RAB37: variants seen among roughly 807,000 people sequenced by gnomAD.
RAB37 encodes RAB37, member RAS oncogene family.
A neutral mutation model predicts 33.1 loss-of-function variants in RAB37; 29 were observed. The ratio of observed to expected loss-of-function variants is 0.88; its 90% CI spans 0.65 to 1.20. The LOEUF is 1.20. Ranked by LOEUF, RAB37 falls within the 50% of genes most tolerant of loss-of-function variation. RAB37 has a pLI of 0.00. For missense variants in RAB37, 299 were observed against 301.1 expected, an observed-to-expected ratio of 0.99 and a Z score of 0.05; for synonymous variants, 128 against 119.5, an observed-to-expected ratio of 1.07 and a Z score of -0.47.
At chr17:74,675,665 A>G (rs1055308142) in intron 1 of RAB37, among the ~76,000 whole-genome samples, 9 of 152,208 alleles carry the variant, frequency 5.9e-5, no homozygotes, top group African/African-American at 2.2e-4. Context: ...CAAACATCCC[A>G]GTTCTGACTT....
At chr17:74,703,203 C>A in intron 1 of RAB37, 2 of 1,384,298 alleles carry the variant, frequency 1.4e-6, no homozygotes, top group South Asian at 2.4e-5. Flanking sequence ...TGAGCCCACC[C>A]GCAGCCCTGC....
intron 1 of RAB37, among the ~76,000 whole-genome samples, chr17:74,721,305 T>A (rs886150277): frequency 6.6e-6 from 1 of 152,172 alleles, no homozygotes; most frequent in African/African-American, 2.4e-5. Flanking sequence ...ATCTTCCTCA[T>A]CCTTTTACTG....
chr17:74,721,254 C>T (rs1477155349), intron 1 of RAB37, among the ~76,000 whole-genome samples: 1 of 152,200 alleles, frequency 6.6e-6, no homozygotes, highest in East Asian at 1.9e-4. Flanking sequence ...CTCTTTTACC[C>T]AGTATTTCCC....
intron 1 of RAB37, among the ~76,000 whole-genome samples, chr17:74,739,285 T>C (rs934342799): frequency 1.3e-5 from 2 of 152,124 alleles, no homozygotes; most frequent in African/African-American, 4.8e-5. Flanking sequence ...AAAGTGCTCC[T>C]CTCCACCATT....
chr17:74,736,527 T>C (rs936104621), upstream of RAB37: 465 of 1,448,828 alleles, frequency 3.2e-4, 2 homozygotes, highest in African/African-American at 5.8e-3. Context: ...GTGAGTGTCA[T>C]GGGTTAATAA....
chr17:74,733,126 G>A (rs1243635538), upstream of RAB37, among the ~76,000 whole-genome samples: 1 of 152,126 alleles, frequency 6.6e-6, no homozygotes, highest in Non-Finnish European at 1.5e-5. Flanking sequence ...TGTTGATGGT[G>A]TGAAATAAAC....
At position 74,737,445 on chromosome 17, in the gene RAB37, C is replaced by T. The variant is rs545308476; in HGVS notation, c.93+80C>T. On this transcript the variant is annotated intron_variant, in intron 1 of 8. Transcript: ENST00000392613. ...GGCTGCGTCTGGGTTGGACTCAGCC[C>T]TTCCCCCAGGCAGCTGCGTCTCCCA... is the stretch of plus-strand genomic sequence containing the variant. The T allele has an allele frequency of 1.1e-5, 15 of 1,410,302 alleles. No individual in the cohort carries two copies. In the African/African-American group the frequency reaches 2.0e-4, roughly 19 times the overall value. The allele number at this position is 1,410,302 out of a possible 1,614,324, so 87.4% of individuals were successfully genotyped here. A position where few individuals can be genotyped will look rare whatever the true frequency, so the allele number is the denominator to read the frequency against.
rs1305613418 is a variant in RAB37, at chr17:74,671,389, C to T, written c.-198C>T. ...GTTCCTGGTGCTGAAACGCTCAGTCCTGGAAGAACGTGGCCGCCTGCCCGC... is the reference window on the plus strand; with the variant it reads ...GTTCCTGGTGCTGAAACGCTCAGTCTTGGAAGAACGTGGCCGCCTGCCCGC... On this transcript the variant is annotated 5_prime_UTR_variant, in exon 1 of 8. Transcript: ENST00000340415. The surrounding 1 kb of genome is among the most constrained non-coding windows in gnomAD (Gnocchi z 5.0). 1 of 598,186 alleles carries T rather than the reference C, an allele frequency of 1.7e-6. No individual in the cohort carries two copies. The allele number at this position is 598,186 out of a possible 1,614,324, so 37.1% of individuals were successfully genotyped here.
At chr17:74,681,061 C>T (rs1318425010) in intron 1 of RAB37, among the ~76,000 whole-genome samples, 3 of 152,252 alleles carry the variant, frequency 2.0e-5, no homozygotes, top group African/African-American at 4.8e-5. Flanking sequence ...ACAAAACCCA[C>T]TCTTCATTCC....
At position 74,671,640 on chromosome 17, in the gene RAB37, C is replaced by T. The variant is rs774116031; in HGVS notation, c.54C>T (p.Asn18=). 1 of 1,614,086 alleles carries T rather than the reference C, an allele frequency of 6.2e-7. No homozygotes were observed. The highest frequency in any genetic ancestry group is 8.5e-7 in the Non-Finnish European group (1 of 1,180,006). Residue 18 remains asparagine, a synonymous_variant, in exon 1 of 8, where the codon AAC becomes AAT. Coordinates refer to the RAB37 transcript ENST00000340415. This position sits in a 1 kb window ranked among gnomAD's most constrained non-coding sequence, Gnocchi z 5.0. ...AGGGAGGAGCTGGCCCTGACTTCAA[C>T]GACCACGTCCTGCATAAGGTAAACA...
At chr17:74,674,448 C>T (rs146645314) in intron 1 of RAB37, among the ~76,000 whole-genome samples, 175 of 150,102 alleles carry the variant, frequency 1.2e-3, no homozygotes, top group African/African-American at 4.0e-3. Flanking sequence ...GAAGCTGAGG[C>T]GGGCAGATCT....
chr17:74,679,511 G>A (rs536856116), intron 1 of RAB37, among the ~76,000 whole-genome samples: 16 of 152,180 alleles, frequency 1.1e-4, no homozygotes, highest in Non-Finnish European at 2.2e-4. Context: ...GACCCAGTAA[G>A]ACTAATAATT....
At position 74,744,014 on chromosome 17, in the gene RAB37, C is replaced by G. The variant is rs2034686716; in HGVS notation, c.367-294C>G. The stretch of plus-strand genomic sequence containing the variant: ...GTCTTAGAATCTTTAACAGGACACT[C>G]CAAGAAATCACTGCTGACAGCCAAC... On this transcript the variant is annotated intron_variant, in intron 5 of 8. Coordinates refer to ENST00000392613, the MANE Select transcript of RAB37 (RefSeq NM_001006638.3). This position sits in a 1 kb window ranked among gnomAD's most constrained non-coding sequence, Gnocchi z 4.2. 6.6e-6 allele frequency among the ~76,000 whole-genome samples: 1 copy of G among 152,126 alleles called. No individual in the cohort carries two copies. The highest frequency in any genetic ancestry group is 2.1e-4 in the South Asian group (1 of 4,836).
At chr17:74,696,690 A>G (rs1043106145) in intron 1 of RAB37, among the ~76,000 whole-genome samples, 5 of 152,044 alleles carry the variant, frequency 3.3e-5, no homozygotes, top group Non-Finnish European at 5.9e-5. Flanking sequence ...CTGTCTCATC[A>G]TCTTCGTCCT....
At chr17:74,732,133 C>T (rs1053857161) in intron 2 of RAB37, among the ~76,000 whole-genome samples, 15 of 152,286 alleles carry the variant, frequency 9.8e-5, no homozygotes, top group African/African-American at 3.6e-4. Context: ...AGCTGTTGCA[C>T]AGTTTAGACC....
At chr17:74,707,541 C>A (rs994927091) in intron 1 of RAB37, among the ~76,000 whole-genome samples, 2 of 151,994 alleles carry the variant, frequency 1.3e-5, no homozygotes, top group African/African-American at 4.8e-5. Context: ...ATGGTGAAAT[C>A]TTGTCTCTAC....
intron 1 of RAB37, 92 bp from the exon 2 acceptor site, chr17:74,740,676 C>T: frequency 1.1e-6 from 1 of 914,826 alleles, no homozygotes; most frequent in African/African-American, 1.6e-5. Flanking sequence ...GTGCCAGCCC[C>T]CTCTTCTCTG....
intron 1 of RAB37, among the ~76,000 whole-genome samples, chr17:74,700,767 CA>C (rs1398808547): frequency 1.3e-5 from 2 of 151,794 alleles, no homozygotes; most frequent in Admixed American, 6.6e-5. Flanking sequence ...AAACAAACAA[CA>C]AAAAAAACTG....
At chr17:74,680,181 G>A (rs553133666) in intron 1 of RAB37, among the ~76,000 whole-genome samples, 1 of 152,018 alleles carries the variant, frequency 6.6e-6, no homozygotes, top group African/African-American at 2.4e-5. Flanking sequence ...AGTAAACTGA[G>A]GCATGGAGAC....
Sources: gnomAD v4.1 joint callset for allele counts (sites outside exome capture counted in the v4.1 genomes callset) on GRCh38, gnomAD v4.1.1 for gene constraint, Gnocchi (gnomAD v3.1) non-coding constraint, MANE v1.5 for transcripts, NCBI Gene and HGNC (gene_info 2026-07-23, HGNC 2026-07-21) for gene names.